PXDN: variants seen among roughly 807,000 people sequenced by gnomAD.
The protein encoded by PXDN is peroxidasin.
Under a neutral mutation model 140.3 loss-of-function variants are expected in PXDN, and 77 were observed. The ratio of observed to expected loss-of-function variants is 0.55; its 90% CI spans 0.46 to 0.66. The LOEUF (loss-of-function observed/expected upper bound fraction) is 0.66. PXDN is among the 30% of genes least tolerant of loss of function. The pLI is 0.00. For missense variants in PXDN, 1,838 were observed against 2,039.5 expected (o/e 0.90, Z 1.90); for synonymous variants, 911 against 857.4 (o/e 1.06, Z -1.09).
At position 1,687,723 on chromosome 2, in the gene PXDN, G is replaced by C; in HGVS notation, c.345-20C>G. ...AGATAGCTGAAACAAGAAACATTGG[G>C]GAGCATTAGCACACAGACAGGAGGT... On this transcript the variant is annotated intron_variant, in intron 3 of 22. Coordinates refer to ENST00000252804, the MANE Select transcript of PXDN (RefSeq NM_012293.3). This position sits in a 1 kb window ranked among gnomAD's most constrained non-coding sequence, Gnocchi z 4.0. The C allele has an allele frequency of 6.7e-7, 1 of 1,485,660 alleles. No individual in the cohort carries two copies. 92.0% of individuals were successfully genotyped at this position (1,485,660 alleles called of 1,614,324 possible). A position where few individuals can be genotyped will look rare whatever the true frequency, so the allele number is the denominator to read the frequency against.
intron 1 of PXDN, among the ~76,000 whole-genome samples, chr2:1,715,472 A>C (rs921416507): frequency 6.6e-6 from 1 of 152,232 alleles, no homozygotes; most frequent in Non-Finnish European, 1.5e-5. Flanking sequence ...GCTTCTGCTG[A>C]GAAACTGTAA....
intron 17 of PXDN, among the ~76,000 whole-genome samples, chr2:1,647,511 C>T (rs1682876726): frequency 6.6e-6 from 1 of 152,232 alleles, no homozygotes. Context: ...ACCTGGCCAG[C>T]TTCCCTTGTC....
At position 1,660,935 on chromosome 2, in the gene PXDN, C is replaced by A; in HGVS notation, c.1783G>T (p.Val595Leu). The change falls in exon 14 of 23, where the codon GTG (valine) becomes TTG (leucine). Residue 595 changes from valine to leucine, a missense_variant. Coordinates refer to ENST00000252804, the MANE Select transcript of PXDN (RefSeq NM_012293.3). The surrounding 1 kb of genome is among the most constrained non-coding windows in gnomAD (Gnocchi z 4.6). ...GPADAGRYEC[V>L]ARNTIGSASV... The stretch of plus-strand genomic sequence containing the variant: ...GCCGACCCAATGGTGTTCCGGGCCA[C>A]ACACTCATAGCGACCTGCGTCTGCA... The A allele has an allele frequency of 6.2e-6, 10 of 1,613,990 alleles. No homozygotes were observed. The highest frequency in any genetic ancestry group is 8.5e-6 in the Non-Finnish European group (10 of 1,179,892).
At chr2:1,641,737 G>A (rs1261122729) in intron 19 of PXDN, among the ~76,000 whole-genome samples, 4 of 152,220 alleles carry the variant, frequency 2.6e-5, no homozygotes, top group East Asian at 3.9e-4. Context: ...GTAACATGCG[G>A]GGAACAAAGA....
chr2:1,722,963 G>C (rs1185512059), intron 1 of PXDN, among the ~76,000 whole-genome samples: 2 of 152,252 alleles, frequency 1.3e-5, no homozygotes, highest in Non-Finnish European at 2.9e-5. Context: ...AGATGTATGT[G>C]TGGATGGATG....
Position 1,649,762 on chromosome 2 carries a change from A to T in PXDN, c.2105-87T>A, listed in dbSNP as rs1287499183. On this transcript the variant is annotated intron_variant, in intron 16 of 22. Coordinates refer to ENST00000252804, the MANE Select transcript of PXDN (RefSeq NM_012293.3). The surrounding 1 kb of genome is among the most constrained non-coding windows in gnomAD (Gnocchi z 7.1). ...ACCCCTTGGCACCTCTGCCGCTGAC[A>T]TGGGGCTATCTACCCCCAGCTCATG... 1 of 1,454,960 alleles carries T rather than the reference A, an allele frequency of 6.9e-7. No homozygotes were observed. Among genetic ancestry groups the T allele is most frequent in the African/African-American group, 1.4e-5 (1 of 71,564 alleles). 90.1% of individuals were successfully genotyped at this position (1,454,960 alleles called of 1,614,324 possible).
At chr2:1,744,608 A>C, upstream of PXDN, 3 of 629,760 alleles carry the variant, frequency 4.8e-6, no homozygotes, top group Non-Finnish European at 4.4e-6. Flanking sequence ...GCCCCTCTGA[A>C]TCCCCGAGGG....
intron 16 of PXDN, 145 bp downstream of exon 16, chr2:1,653,481 TCA>T (rs1380435574): frequency 1.7e-6 from 2 of 1,207,602 alleles, no homozygotes; most frequent in Admixed American, 4.0e-5. Context: ...TCAAGAGGAA[TCA>T]CAGTTTAAGG....
chr2:1,734,472 T>C (rs1685385973), intron 1 of PXDN, among the ~76,000 whole-genome samples: 1 of 152,120 alleles, frequency 6.6e-6, no homozygotes, highest in Non-Finnish European at 1.5e-5. Flanking sequence ...AAGACAACAA[T>C]GATGTTTGCC....
chr2:1,677,126 T>A, intron 7 of PXDN, 82 bp from the exon 8 acceptor site: 1 of 1,283,772 alleles, frequency 7.8e-7, no homozygotes, highest in Non-Finnish European at 1.1e-6. Flanking sequence ...GAGTTCTCTG[T>A]GTCCAAAAGG....
chr2:1,724,439 T>G (rs1052350734), intron 1 of PXDN, among the ~76,000 whole-genome samples: 2 of 152,176 alleles, frequency 1.3e-5, no homozygotes, highest in South Asian at 2.1e-4. Context: ...TTGTGAAACT[T>G]GTGACCACTG....
chr2:1,634,395 C>T (rs542376272), intron 22 of PXDN, 72 bp from the exon 23 acceptor site: 12 of 1,497,458 alleles, frequency 8.0e-6, no homozygotes, highest in Admixed American at 4.1e-5. Flanking sequence ...CTGTCAGCTC[C>T]GGGACAGGTG....
intron 1 of PXDN, among the ~76,000 whole-genome samples, chr2:1,720,281 C>G (rs1356905074): frequency 1.7e-4 from 10 of 57,280 alleles, no homozygotes; most frequent in Non-Finnish European, 2.6e-4. Flanking sequence ...GGGAGGGATG[C>G]AGAGAGAGAG....
At chr2:1,654,800 G>T (rs1683092495) in intron 14 of PXDN, among the ~76,000 whole-genome samples, 1 of 152,122 alleles carries the variant, frequency 6.6e-6, no homozygotes, top group South Asian at 2.1e-4. Flanking sequence ...CAGCATGTGG[G>T]AGGTGTGGAC....
intron 1 of PXDN, among the ~76,000 whole-genome samples, chr2:1,709,755 A>G (rs1426548313): frequency 2.0e-5 from 3 of 152,220 alleles, no homozygotes; most frequent in African/African-American, 7.2e-5. Flanking sequence ...AAGCCCCATC[A>G]TGAGATTCGT....
At position 1,691,989 on chromosome 2, in the gene PXDN, T is replaced by C. The variant is rs1157224936; in HGVS notation, c.283A>G (p.Asn95Asp). 2 of 1,522,658 alleles carry C rather than the reference T, an allele frequency of 1.3e-6. No homozygotes were observed. Among genetic ancestry groups the C allele is most frequent in the Non-Finnish European group, 1.8e-6 (2 of 1,129,978 alleles). The allele number at this position is 1,522,658 out of a possible 1,614,324, so 94.3% of individuals were successfully genotyped here. ...LRNLNTLLLN[N>D]NQIKRIPSGA... ...CTAGGTATCCTCTTGATCTGATTAT[T>C]ATTGAGAAGCCTATGAAAGAGAGTC... The change falls in exon 3 of 23, where the codon AAT (asparagine) becomes GAT (aspartate). Residue 95 changes from asparagine (N) to aspartate (D), a missense_variant. Transcript: ENST00000252804.
intron 13 of PXDN, among the ~76,000 whole-genome samples, chr2:1,661,859 G>T (rs1257013651): frequency 2.6e-5 from 4 of 152,166 alleles, no homozygotes; most frequent in Admixed American, 2.6e-4. Context: ...TTACCTCAAG[G>T]CTTAAGATCT....
At position 1,633,546 on chromosome 2, in the gene PXDN, T is replaced by A. The variant is rs1192862205; in HGVS notation, c.*658A>T. ...CGGGAATGTTTGTCTTGGGATTAGA[T>A]GCTGACGTGTGGTGAAATGTTACAG... is the stretch of plus-strand genomic sequence containing the variant. On this transcript the variant is annotated 3_prime_UTR_variant, in exon 23 of 23. Transcript: ENST00000252804. 3.9e-5 allele frequency: 6 copies of A among 151,994 alleles called. 1 individual carries two copies. In the East Asian group the frequency reaches 1.2e-3, roughly 30 times the overall value. The allele number at this position is 151,994 out of a possible 1,614,324, so 9.4% of individuals were successfully genotyped here.
chr2:1,669,001 T>G (rs1683512942), intron 9 of PXDN, among the ~76,000 whole-genome samples: 1 of 152,106 alleles, frequency 6.6e-6, no homozygotes, highest in Non-Finnish European at 1.5e-5. Flanking sequence ...CATGCACACG[T>G]TATGTTTATT....
Sources: gnomAD v4.1 joint callset for allele counts (sites outside exome capture counted in the v4.1 genomes callset) on GRCh38, gnomAD v4.1.1 for gene constraint, Gnocchi (gnomAD v3.1) non-coding constraint, MANE v1.5 for transcripts, NCBI Gene and HGNC (gene_info 2026-07-23, HGNC 2026-07-21) for gene names.